TMEM132B: variants seen among roughly 807,000 people sequenced by gnomAD.
The protein encoded by TMEM132B is transmembrane protein 132B.
Under a neutral mutation model 90.8 loss-of-function variants are expected in TMEM132B, and 18 were observed. The ratio of observed to expected loss-of-function variants is 0.20; its 90% CI spans 0.14 to 0.29. The LOEUF (loss-of-function observed/expected upper bound fraction) is 0.29, where lower values mean the gene tolerates loss of function less well. Among genes scored for constraint, TMEM132B ranks in the 10% least tolerant of loss-of-function variants. The probability of loss-of-function intolerance (pLI) is 1.00; values close to 1 mark genes in which losing one functional copy is unlikely to be tolerated. For missense variants in TMEM132B, 1,096 were observed against 1,326.8 expected (o/e 0.83, Z 2.70); for synonymous variants, 504 against 523.3 (o/e 0.96, Z 0.50).
chr12:125,339,794 A>AC (rs912684897), intron 1 of TMEM132B, among the ~76,000 whole-genome samples: 8 of 151,698 alleles, frequency 5.3e-5, no homozygotes, highest in African/African-American at 9.7e-5. Context: ...AAATATTTGC[A>AC]CCCCCCAATG....
chr12:125,250,226 G>A (rs1434784700), intron 1 of TMEM132B, among the ~76,000 whole-genome samples: 1 of 152,248 alleles, frequency 6.6e-6, no homozygotes, highest in Non-Finnish European at 1.5e-5. Flanking sequence ...GAAAATGTGA[G>A]TGCTGCAGAC....
Position 125,519,589 on chromosome 12 carries a change from C to G in TMEM132B, c.1257C>G (p.Ser419Arg). The G allele has an allele frequency of 6.2e-7, 1 of 1,614,110 alleles. No homozygotes were observed. Among genetic ancestry groups the G allele is most frequent in the African/African-American group, 1.3e-5 (1 of 75,012 alleles). Residue 419 changes from serine to arginine, a missense_variant, in exon 4 of 9, where the codon AGC (serine) becomes AGG (arginine). By Grantham distance (110) the Ser-to-Arg change is moderately radical. Coordinates refer to ENST00000682704, the MANE Select transcript of TMEM132B (RefSeq NM_001366854.1). ...SELVVSEIFV[S>R]QTTFVGIVPL... ...TGGTCGTCTCCGAGATCTTCGTCAG[C>G]CAGACAACCTTCGTGGGCATCGTCC...
chr12:125,453,721 C>G (rs1376427835), intron 3 of TMEM132B, among the ~76,000 whole-genome samples: 2 of 152,208 alleles, frequency 1.3e-5, no homozygotes, highest in African/African-American at 4.8e-5. Context: ...GTGAGAGCTG[C>G]TTCATAGTGC....
intron 1 of TMEM132B, among the ~76,000 whole-genome samples, chr12:125,252,415 C>G (rs955095237): frequency 1.3e-5 from 2 of 152,230 alleles, no homozygotes; most frequent in Non-Finnish European, 2.9e-5. Context: ...GGCCTGCACT[C>G]GCTGTCTCTG....
intron 4 of TMEM132B, among the ~76,000 whole-genome samples, chr12:125,524,798 G>T (rs1188382936): frequency 1.3e-5 from 2 of 152,202 alleles, no homozygotes; most frequent in East Asian, 3.9e-4. Flanking sequence ...AGGAAAGGAG[G>T]CTGATTTGCT....
chr12:125,356,718 G>A (rs909359971), intron 2 of TMEM132B, among the ~76,000 whole-genome samples: 4 of 152,194 alleles, frequency 2.6e-5, no homozygotes, highest in African/African-American at 7.2e-5. Flanking sequence ...AAGGCCCTGC[G>A]TGGTCTGGAC....
intron 4 of TMEM132B, among the ~76,000 whole-genome samples, chr12:125,561,792 G>A (rs555753714): frequency 2.0e-5 from 3 of 151,924 alleles, no homozygotes; most frequent in Non-Finnish European, 4.4e-5. Context: ...GCTATCATCC[G>A]GGCTTTGTTG....
rs1460928543 is a variant in TMEM132B at position 125,246,608 on chromosome 12, G to C, written c.67+59742G>C. ...CTTCAGGACAAGTTCAGCGTCTCCA[G>C]CACACACAGTGCCATTTAAAGAGGA... On this transcript the variant is annotated intron_variant, in intron 1 of 8. Coordinates refer to ENST00000682704, the MANE Select transcript of TMEM132B (RefSeq NM_001366854.1). The surrounding 1 kb of genome is among the most constrained non-coding windows in gnomAD (Gnocchi z 4.2). Among the ~76,000 whole-genome samples the C allele has an allele frequency of 1.3e-5, 2 of 152,226 alleles. No homozygotes were observed. Among genetic ancestry groups the C allele is most frequent in the African/African-American group, 4.8e-5 (2 of 41,464 alleles).
At chr12:125,258,310 C>A (rs1187701477) in intron 1 of TMEM132B, among the ~76,000 whole-genome samples, 1 of 152,152 alleles carries the variant, frequency 6.6e-6, no homozygotes, top group Non-Finnish European at 1.5e-5. Context: ...GGAATTTGGA[C>A]AGAGTACAGT....
chr12:125,218,769 G>GTTTTTTT (rs34905706), intron 1 of TMEM132B, among the ~76,000 whole-genome samples: 12 of 108,842 alleles, frequency 1.1e-4, no homozygotes, highest in African/African-American at 1.4e-4. Context: ...TGTTGAAGCT[G>GTTTTTTT]TTTTTTTTTT....
intron 5 of TMEM132B, among the ~76,000 whole-genome samples, chr12:125,606,527 G>A (rs1352759660): frequency 1.3e-5 from 2 of 152,246 alleles, no homozygotes; most frequent in African/African-American, 2.4e-5. Flanking sequence ...GCCAGCACAT[G>A]TGAGTGTATG....
chr12:125,426,637 G>A (rs1593140320), intron 3 of TMEM132B, among the ~76,000 whole-genome samples: 1 of 152,220 alleles, frequency 6.6e-6, no homozygotes, highest in African/African-American at 2.4e-5. Context: ...GAATGTCTGT[G>A]TGGCCACGTC....
intron 1 of TMEM132B, among the ~76,000 whole-genome samples, chr12:125,188,358 C>G (rs924623116): frequency 2.0e-5 from 3 of 152,118 alleles, no homozygotes; most frequent in Non-Finnish European, 4.4e-5. Flanking sequence ...TAGCTGAAGC[C>G]CTGGGACCTG....
At chr12:125,262,758 A>G (rs1874597760) in intron 1 of TMEM132B, among the ~76,000 whole-genome samples, 1 of 152,232 alleles carries the variant, frequency 6.6e-6, no homozygotes, top group Admixed American at 6.5e-5. Context: ...GTAGAAGTGA[A>G]GATCATTCTC....
chr12:125,394,421 G>T (rs1192066409), intron 2 of TMEM132B, among the ~76,000 whole-genome samples: 1 of 152,184 alleles, frequency 6.6e-6, no homozygotes, highest in East Asian at 1.9e-4. Flanking sequence ...AGCAGTGGTT[G>T]CAAATGATAC....
Position 125,519,513 on chromosome 12 carries a change from A to T in TMEM132B, c.1181A>T (p.Gln394Leu). The change falls in exon 4 of 9, where the codon CAG becomes CTG. Residue 394 changes from glutamine to leucine, a missense_variant. Coordinates refer to ENST00000682704, the MANE Select transcript of TMEM132B (RefSeq NM_001366854.1). ...AATAGCAGTGACCTGGCTGGGGCCC[A>T]GCAGATTACCTGGCAGGTGGAGTAC... ...IDNSSDLAGA[Q>L]QITWQVEYPI... 6.2e-7 allele frequency: 1 copy of T among 1,614,166 alleles called. No homozygotes were observed. The highest frequency in any genetic ancestry group is 1.1e-5 in the South Asian group (1 of 91,076).
At chr12:125,531,181 GTTTTGT>G (rs563128695) in intron 4 of TMEM132B, among the ~76,000 whole-genome samples, 1 of 151,918 alleles carries the variant, frequency 6.6e-6, no homozygotes, top group Non-Finnish European at 1.5e-5. Context: ...TTTTCTTTTT[GTTTTGT>G]TTTTGTTTTT....
intron 5 of TMEM132B, among the ~76,000 whole-genome samples, chr12:125,631,401 AC>A (rs1259756347): frequency 6.6e-6 from 1 of 152,116 alleles, no homozygotes; most frequent in African/African-American, 2.4e-5. Context: ...TTGTTTTGTG[AC>A]CTAACATATT....
At chr12:125,451,571 G>T (rs1445508644) in intron 3 of TMEM132B, among the ~76,000 whole-genome samples, 1 of 150,978 alleles carries the variant, frequency 6.6e-6, no homozygotes, top group Non-Finnish European at 1.5e-5. Flanking sequence ...AAAACATTAA[G>T]ATTATGCCTG....
Sources: gnomAD v4.1 joint callset for allele counts (sites outside exome capture counted in the v4.1 genomes callset) on GRCh38, gnomAD v4.1.1 for gene constraint, Gnocchi (gnomAD v3.1) non-coding constraint, MANE v1.5 for transcripts, NCBI Gene and HGNC (gene_info 2026-07-23, HGNC 2026-07-21) for gene names.